Variants in CEP63 observed in about 807,000 individuals in gnomAD.
The protein encoded by CEP63 is centrosomal protein of 63 kDa.
CEP63 carries 84 observed loss-of-function variants against 89.1 expected under a neutral mutation model. The ratio of observed to expected loss-of-function variants is 0.94; its 90% CI spans 0.79 to 1.13. CEP63 has a LOEUF of 1.13. CEP63 is among the 50% of genes most tolerant of loss of function. CEP63 has a pLI of 0.00. For missense variants in CEP63, 838 were observed against 813.3 expected, an observed-to-expected ratio of 1.03 and a Z score of -0.37; for synonymous variants, 267 against 272.5, an observed-to-expected ratio of 0.98 and a Z score of 0.20.
the CEP63 span, among the ~76,000 whole-genome samples, chr3:134,719,751 T>A: frequency 3.6e-3 from 548 of 152,328 alleles, 5 homozygotes; most frequent in African/African-American, 0.012. Flanking sequence ...ATGCCTGACT[T>A]ATTTAGTATA....
intron 3 of CEP63, among the ~76,000 whole-genome samples, chr3:134,527,356 G>T (rs536380300): frequency 3.3e-4 from 51 of 152,262 alleles, no homozygotes; most frequent in African/African-American, 9.6e-4. Flanking sequence ...CCATGCAGGG[G>T]AGGATCTGTT....
chr3:134,587,149 G>A (rs928548344), intron 10 of CEP63, among the ~76,000 whole-genome samples: 10 of 152,098 alleles, frequency 6.6e-5, no homozygotes, highest in Non-Finnish European at 5.9e-5. Flanking sequence ...TGCTTCGTTC[G>A]CTCAGAGAAG....
chr3:134,510,022 A>G (rs1231824566), intron 3 of CEP63, among the ~76,000 whole-genome samples: 3 of 152,222 alleles, frequency 2.0e-5, no homozygotes, highest in African/African-American at 7.2e-5. Flanking sequence ...ATTGTTTTGA[A>G]TATTAAAAAT....
the CEP63 span, among the ~76,000 whole-genome samples, chr3:134,740,433 G>A: frequency 6.6e-6 from 1 of 152,034 alleles, no homozygotes; most frequent in Non-Finnish European, 1.5e-5. Flanking sequence ...GAGTAGCAGG[G>A]ACTACAGGCA....
At chr3:134,618,258 G>A in the CEP63 span, among the ~76,000 whole-genome samples, 3 of 152,116 alleles carry the variant, frequency 2.0e-5, no homozygotes, top group South Asian at 4.1e-4. Flanking sequence ...GGCAGCTGCC[G>A]CCTCTGCAAC....
At position 134,507,245 on chromosome 3, in the gene CEP63, C is replaced by CT. The variant is rs1553750086; in HGVS notation, c.183dup (p.Lys62Ter). The CT allele has an allele frequency of 1.2e-6, 2 of 1,613,638 alleles. No individual in the cohort carries two copies. Among genetic ancestry groups the CT allele is most frequent in the African/African-American group, 2.7e-5 (2 of 74,986 alleles). ...TTGCTTGAAAATCCGTGAACAGGAA[C>CT]TTAAGAGTCTTAGGAGTCAGTTGGA... On this transcript the variant is annotated frameshift_variant, in exon 3 of 15. Coordinates refer to ENST00000675561, the MANE Select transcript of CEP63 (RefSeq NM_001353108.3). LOFTEE classifies it high-confidence loss of function.
chr3:134,549,143 A>G lies in CEP63; in HGVS notation c.1149A>G (p.Ala383=). 6.2e-7 allele frequency: 1 copy of G among 1,612,754 alleles called. No individual in the cohort carries two copies. The highest frequency in any genetic ancestry group is 8.5e-7 in the Non-Finnish European group (1 of 1,178,746). ...EKYEELKRME[A]HNNEYKAEIK... ...ATGAAGAACTGAAGAGGATGGAAGCACATAACAATGAATACAAAGCAGAGA... is the reference window on the plus strand; with the variant it reads ...ATGAAGAACTGAAGAGGATGGAAGCGCATAACAATGAATACAAAGCAGAGA... The change falls in exon 10 of 15, where the codon GCA becomes GCG. Residue 383 remains alanine (A), a synonymous_variant. Coordinates refer to ENST00000675561, the MANE Select transcript of CEP63 (RefSeq NM_001353108.3).
chr3:134,619,084 G>T, the CEP63 span: 1 of 1,335,766 alleles, frequency 7.5e-7, no homozygotes, highest in South Asian at 1.2e-5. Flanking sequence ...AAAGGCACAT[G>T]GCACTGTGGA....
chr3:134,745,152 C>T, the CEP63 span, among the ~76,000 whole-genome samples: 13 of 152,248 alleles, frequency 8.5e-5, no homozygotes, highest in African/African-American at 2.2e-4. Flanking sequence ...AAACTTTCTC[C>T]GACCATTAAA....
chr3:134,655,820 C>T, the CEP63 span, among the ~76,000 whole-genome samples: 1 of 152,204 alleles, frequency 6.6e-6, no homozygotes, highest in South Asian at 2.1e-4. Context: ...ATTCTTTGAG[C>T]TCAAGCCCTG....
chr3:134,587,671 A>G (rs1282170554), exon 11 of CEP63, among the ~76,000 whole-genome samples: 1 of 152,080 alleles, frequency 6.6e-6, no homozygotes, highest in Non-Finnish European at 1.5e-5. Context: ...CCACTTGAGG[A>G]GGCAGTCTGT....
the CEP63 span, among the ~76,000 whole-genome samples, chr3:134,657,121 T>C: frequency 6.6e-6 from 1 of 152,162 alleles, no homozygotes; most frequent in African/African-American, 2.4e-5. Context: ...TCTATGTAGT[T>C]GGGGAGCCCT....
chr3:134,559,580 T>G (rs1216720104), intron 14 of CEP63, 151 bp downstream of exon 14: 1 of 706,804 alleles, frequency 1.4e-6, no homozygotes, highest in African/African-American at 1.8e-5. Flanking sequence ...TGTCATACAG[T>G]TTTTGCTTGT....
At chr3:134,616,767 G>A in the CEP63 span, among the ~76,000 whole-genome samples, 1 of 152,202 alleles carries the variant, frequency 6.6e-6, no homozygotes, top group African/African-American at 2.4e-5. Context: ...AATCTATGTA[G>A]GCTGGCAGAG....
At chr3:134,507,027 T>G in intron 2 of CEP63, 82 bp from the exon 3 acceptor site, 1 of 948,248 alleles carries the variant, frequency 1.1e-6, no homozygotes, top group Non-Finnish European at 1.7e-6. Context: ...TAGATTTACA[T>G]CTGCTATATT....
chr3:134,489,662 G>C (rs1215489283), intron 1 of CEP63, among the ~76,000 whole-genome samples: 1 of 152,142 alleles, frequency 6.6e-6, no homozygotes, highest in African/African-American at 2.4e-5. Context: ...TTTATCAACT[G>C]AGAGTCTTTT....
At chr3:134,696,686 G>A in the CEP63 span, among the ~76,000 whole-genome samples, 1 of 152,150 alleles carries the variant, frequency 6.6e-6, no homozygotes, top group Non-Finnish European at 1.5e-5. Context: ...GCCCACGTGT[G>A]TGTGTGTATA....
chr3:134,651,380 G>C, the CEP63 span: 2 of 1,105,474 alleles, frequency 1.8e-6, no homozygotes, highest in Non-Finnish European at 2.2e-6. Context: ...TTCTCGAGAG[G>C]GCTGGAGCCG....
the CEP63 span, among the ~76,000 whole-genome samples, chr3:134,719,252 C>T: frequency 2.6e-5 from 4 of 152,202 alleles, no homozygotes; most frequent in African/African-American, 9.6e-5. Context: ...ATCCTTCTGC[C>T]TTGGCCTCCC....
Sources: allele counts gnomAD v4.1 joint callset (sites outside exome capture counted in the v4.1 genomes callset), GRCh38; gene constraint gnomAD v4.1.1; transcripts MANE v1.5; gene names NCBI Gene and HGNC (gene_info 2026-07-23, HGNC 2026-07-21).